Variants in BTBD8 observed in about 807,000 individuals in gnomAD.
BTBD8 encodes BTB/POZ domain-containing protein 8.
Under a neutral mutation model 162.9 loss-of-function variants are expected in BTBD8, and 110 were observed. That is an observed-to-expected ratio of 0.68 (90% confidence interval 0.58 to 0.79). The LOEUF is 0.79. Ranked by LOEUF, BTBD8 falls within the 30% of genes least tolerant of loss-of-function variation. The probability of loss-of-function intolerance (pLI) is 0.00; values close to 1 mark genes in which losing one functional copy is unlikely to be tolerated. For missense variants in BTBD8, 1,905 were observed against 2,085.4 expected (o/e 0.91, Z 1.68); for synonymous variants, 667 against 716.1 (o/e 0.93, Z 1.10).
At chr1:92,136,365 G>A (rs1235965968) in intron 5 of BTBD8, among the ~76,000 whole-genome samples, 1 of 139,096 alleles carries the variant, frequency 7.2e-6, no homozygotes, top group African/African-American at 2.7e-5. Flanking sequence ...TTCTTTTTAT[G>A]AACCTGCCAT....
intron 12 of BTBD8, among the ~76,000 whole-genome samples, chr1:92,170,081 C>A (rs1189357131): frequency 1.3e-5 from 2 of 152,078 alleles, no homozygotes; most frequent in African/African-American, 4.8e-5. Flanking sequence ...CGATTAGTAG[C>A]AAACTTTGGT....
At position 92,166,985 on chromosome 1, in the gene BTBD8, A is replaced by T. The variant is rs189688789; in HGVS notation, c.1150A>T (p.Met384Leu). ...TGATAAGAATGCTGCTTTTCTTCTG[A>T]TGGAAAGTGACAGGCTAATCATCAG... ...LNDKNAAFLL[M>L]ESDRLIISLP... Residue 384 changes from methionine (M) to leucine (L), a missense_variant, in exon 10 of 18, where the codon ATG (methionine) becomes TTG (leucine). Met to Leu is a conservative substitution (Grantham distance 15). Transcript: ENST00000636805. 6.5e-7 allele frequency: 1 copy of T among 1,548,500 alleles called. No individual in the cohort carries two copies. The highest frequency in any genetic ancestry group is 2.4e-5 in the East Asian group (1 of 40,866).
At position 92,088,685 on chromosome 1, in the gene BTBD8, T is replaced by G. The variant is rs778778188; in HGVS notation, c.150-13T>G. ...TCACTAATTAAACTATGATTCCTTT[T>G]TATTCCTTATAGGCTTCTAAGGGAA... On this transcript the variant is annotated splice_polypyrimidine_tract_variant and intron_variant, in intron 1 of 17. Transcript: ENST00000636805. The G allele has an allele frequency of 1.3e-6, 2 of 1,530,514 alleles. No individual in the cohort carries two copies. The highest frequency in any genetic ancestry group is 4.3e-5 in the Admixed American group (2 of 46,250). 94.8% of individuals were successfully genotyped at this position (1,530,514 alleles called of 1,614,324 possible).
At chr1:92,109,186 C>T (rs1288792341) in intron 4 of BTBD8, among the ~76,000 whole-genome samples, 1 of 151,194 alleles carries the variant, frequency 6.6e-6, no homozygotes, top group Non-Finnish European at 1.5e-5. Flanking sequence ...ATTATATTTT[C>T]CGTATCATGG....
At chr1:92,132,765 C>G (rs953893411) in intron 5 of BTBD8, among the ~76,000 whole-genome samples, 8 of 152,180 alleles carry the variant, frequency 5.3e-5, no homozygotes, top group Admixed American at 2.6e-4. Flanking sequence ...GCTTTATTAA[C>G]AGTGGAGGCT....
intron 9 of BTBD8, among the ~76,000 whole-genome samples, chr1:92,153,629 A>G (rs767994054): frequency 1.2e-4 from 19 of 152,124 alleles, no homozygotes; most frequent in Non-Finnish European, 2.5e-4. Flanking sequence ...TGACTGGCCT[A>G]TTTCACTTAG....
intron 9 of BTBD8, among the ~76,000 whole-genome samples, chr1:92,150,131 AT>A (rs1419632696): frequency 6.6e-6 from 1 of 152,320 alleles, no homozygotes; most frequent in East Asian, 1.9e-4. Context: ...TTGGAATCTA[AT>A]TTGACGTTAA....
At chr1:92,081,339 C>T (rs571752975) in intron 1 of BTBD8, among the ~76,000 whole-genome samples, 1 of 152,230 alleles carries the variant, frequency 6.6e-6, no homozygotes, top group East Asian at 1.9e-4. Context: ...ATATCCTTCT[C>T]GGGTTATTGG....
At chr1:92,129,629 T>C in intron 4 of BTBD8, 58 bp from the exon 5 acceptor site, 2 of 1,338,848 alleles carry the variant, frequency 1.5e-6, no homozygotes, top group South Asian at 1.2e-5. Flanking sequence ...TCATAAAAAA[T>C]TACATTTTGA....
At chr1:92,175,222 T>C (rs1351489790) in intron 13 of BTBD8, among the ~76,000 whole-genome samples, 1 of 151,778 alleles carries the variant, frequency 6.6e-6, no homozygotes, top group Non-Finnish European at 1.5e-5. Context: ...GGCTCACACC[T>C]GTAATCCCAG....
chr1:92,143,773 A>G (rs561662152), intron 7 of BTBD8, among the ~76,000 whole-genome samples: 39 of 151,706 alleles, frequency 2.6e-4, no homozygotes, highest in African/African-American at 9.2e-4. Flanking sequence ...TGCCCTCCCA[A>G]AGTGCTGGGA....
At chr1:92,153,140 T>G (rs1650086087) in intron 9 of BTBD8, among the ~76,000 whole-genome samples, 2 of 152,040 alleles carry the variant, frequency 1.3e-5, no homozygotes, top group Admixed American at 1.3e-4. Flanking sequence ...TTTTTTTAAA[T>G]AGTTCAAAAT....
intron 5 of BTBD8, among the ~76,000 whole-genome samples, chr1:92,130,130 A>G (rs1012414259): frequency 1.3e-5 from 2 of 152,032 alleles, no homozygotes; most frequent in African/African-American, 2.4e-5. Context: ...CTTGCTGTAC[A>G]CTCATGTGGC....
intron 2 of BTBD8, among the ~76,000 whole-genome samples, chr1:92,089,574 C>T: frequency 6.6e-6 from 1 of 152,158 alleles, no homozygotes. Flanking sequence ...AGTCCAAGAT[C>T]AAGGTGCCAG....
Position 92,102,687 on chromosome 1 carries a change from G to C in BTBD8, c.544+18G>C, listed in dbSNP as rs202126109. ...TTCCAATGGTGAGGTATTTTTTATG[G>C]AGTTGTATTTATAGCCGTAAAAATA... On this transcript the variant is annotated intron_variant, in intron 3 of 17. Transcript: ENST00000636805. The C allele has an allele frequency of 1.1e-5, 16 of 1,430,704 alleles. No individual in the cohort carries two copies. The Admixed American group carries it at 3.8e-4, about 34-fold the overall frequency. 88.6% of individuals were successfully genotyped at this position (1,430,704 alleles called of 1,614,324 possible).
intron 2 of BTBD8, among the ~76,000 whole-genome samples, chr1:92,100,609 T>TATC (rs945267599): frequency 6.6e-6 from 1 of 151,950 alleles, no homozygotes; most frequent in Non-Finnish European, 1.5e-5. Flanking sequence ...GCATTATTAT[T>TATC]ATTATTATTA....
chr1:92,132,145 C>T (rs572058150), intron 5 of BTBD8, among the ~76,000 whole-genome samples: 30 of 152,272 alleles, frequency 2.0e-4, no homozygotes, highest in Admixed American at 1.3e-3. Context: ...AATCTTTGTC[C>T]CACAGAACCC....
chr1:92,090,713 T>C (rs1473381027), intron 2 of BTBD8, among the ~76,000 whole-genome samples: 1 of 152,212 alleles, frequency 6.6e-6, no homozygotes. Flanking sequence ...GCAGATCACC[T>C]GAGATCAGGA....
chr1:92,122,398 A>G (rs1649233633), intron 4 of BTBD8, among the ~76,000 whole-genome samples: 2 of 151,532 alleles, frequency 1.3e-5, no homozygotes, highest in Non-Finnish European at 2.9e-5. Flanking sequence ...AGCTGGGACT[A>G]CAGGTTTGTG....
Sources: allele counts gnomAD v4.1 joint callset (sites outside exome capture counted in the v4.1 genomes callset), GRCh38; gene constraint gnomAD v4.1.1; transcripts MANE v1.5; gene names NCBI Gene and HGNC (gene_info 2026-07-23, HGNC 2026-07-21).